Variants in KDM5A observed in about 807,000 individuals in gnomAD.
KDM5A encodes the protein lysine demethylase 5A, also known as lysine-specific demethylase 5A.
In KDM5A, 42 loss-of-function variants were observed where a neutral mutation model predicts 193.5. The observed-to-expected ratio is 0.22, with a 90% CI of 0.17 to 0.28. KDM5A has a LOEUF of 0.28. Among genes scored for constraint, KDM5A ranks in the 10% least tolerant of loss-of-function variants. The pLI is 1.00. For synonymous variants in KDM5A, 796 were observed against 718.1 expected, an observed-to-expected ratio of 1.11 and a Z score of -1.73; for missense variants, 1,692 against 2,055.1, an observed-to-expected ratio of 0.82 and a Z score of 3.42.
chr12:311,173 T>C (rs1209973732), intron 20 of KDM5A, 109 bp from the exon 21 acceptor site: 8 of 924,896 alleles, frequency 8.6e-6, no homozygotes, highest in African/African-American at 1.6e-5. Context: ...TTAAATATTA[T>C]TCTTTGAATG....
chr12:316,049 T>C (rs1401771973), intron 19 of KDM5A, among the ~76,000 whole-genome samples: 1 of 152,188 alleles, frequency 6.6e-6, no homozygotes, highest in Admixed American at 6.5e-5. Context: ...AAAACCATTA[T>C]TTTAGAGGTA....
chr12:323,818 T>C (rs1288610404), intron 14 of KDM5A, 37 bp from the exon 15 acceptor site: 28 of 1,567,394 alleles, frequency 1.8e-5, no homozygotes, highest in Non-Finnish European at 2.0e-5. Flanking sequence ...CAAGTCTTTC[T>C]AGTCTTTAAA....
In KDM5A at chr12:389,109, G is replaced by T. The variant is rs200173798; in HGVS notation, c.-18C>A. 155 of 1,602,016 alleles carry T rather than the reference G, an allele frequency of 9.7e-5. 5 individuals are homozygous for T. The highest frequency in any genetic ancestry group is 5.2e-4 in the South Asian group (47 of 90,482). On this transcript the variant is annotated 5_prime_UTR_variant, in exon 1 of 28. Transcript: ENST00000399788. ...CCCGCCATTGCAACGGCCGGGGGGG[G>T]GGGGGGGTCCCCGTGGGGAACCGGT...
chr12:320,431 G>A (rs1410691766), intron 18 of KDM5A, among the ~76,000 whole-genome samples: 1 of 152,066 alleles, frequency 6.6e-6, no homozygotes, highest in African/African-American at 2.4e-5. Context: ...AGGAGGCAGA[G>A]GTTGCAGTAA....
chr12:297,956 A>G (rs1265438062), intron 24 of KDM5A, among the ~76,000 whole-genome samples: 1 of 152,182 alleles, frequency 6.6e-6, no homozygotes, highest in East Asian at 1.9e-4. Flanking sequence ...CAATCCACGG[A>G]GATAATAAAC....
intron 18 of KDM5A, among the ~76,000 whole-genome samples, chr12:320,370 C>T (rs538909877): frequency 3.3e-5 from 5 of 152,208 alleles, no homozygotes; most frequent in Admixed American, 1.3e-4. Flanking sequence ...GTGGCCCATT[C>T]CTCCAATCCC....
chr12:313,486 G>A (rs1943614834), intron 19 of KDM5A, among the ~76,000 whole-genome samples: 1 of 152,026 alleles, frequency 6.6e-6, no homozygotes, highest in Non-Finnish European at 1.5e-5. Context: ...TGTAATAAAG[G>A]ACACATCTGA....
chr12:310,969 T>C lies in KDM5A; in HGVS notation c.3132A>G (p.Glu1044=), dbSNP rs1251485225. The C allele has an allele frequency of 1.9e-6, 3 of 1,614,244 alleles. No individual in the cohort carries two copies. The highest frequency in any genetic ancestry group is 1.6e-4 in the Middle Eastern group (1 of 6,062). The change falls in exon 21 of 28, where the codon GAA becomes GAG. Residue 1044 remains glutamate, a synonymous_variant. Coordinates refer to ENST00000399788, the MANE Select transcript of KDM5A (RefSeq NM_001042603.3). ...PVRLEALPQV[E]SQVAAARAWR... is the part of the protein sequence containing the mutation. ...ATGCCCGTGCTGCTGCTACCTGTGA[T>C]TCCACTTGCGGCAGTGCTTCAAGAC...
chr12:351,685 A>G (rs1344622372), intron 9 of KDM5A, among the ~76,000 whole-genome samples: 1 of 152,144 alleles, frequency 6.6e-6, no homozygotes, highest in East Asian at 1.9e-4. Flanking sequence ...ATCAAAATAG[A>G]CAGCTGGGCG....
intron 3 of KDM5A, among the ~76,000 whole-genome samples, chr12:373,604 T>C (rs1045247411): frequency 6.6e-6 from 1 of 152,250 alleles, no homozygotes; most frequent in Non-Finnish European, 1.5e-5. Flanking sequence ...ATTTTAGTTA[T>C]TTCTTGCCTT....
At chr12:346,265 G>A (rs1193517326) in intron 10 of KDM5A, among the ~76,000 whole-genome samples, 1 of 151,800 alleles carries the variant, frequency 6.6e-6, no homozygotes, top group African/African-American at 2.4e-5. Flanking sequence ...TGAAATTGAG[G>A]CAATAATAGC....
chr12:371,838 A>C (rs917491135), intron 3 of KDM5A, among the ~76,000 whole-genome samples: 5 of 152,124 alleles, frequency 3.3e-5, no homozygotes, highest in African/African-American at 1.2e-4. Flanking sequence ...CAGTTTTCCC[A>C]GCACCATTAA....
chr12:357,897 G>A (rs549304074), intron 5 of KDM5A, among the ~76,000 whole-genome samples: 179 of 138,170 alleles, frequency 1.3e-3, no homozygotes, highest in Non-Finnish European at 2.1e-3. Flanking sequence ...AAAGGACTCC[G>A]TCTGGTGAAA....
chr12:384,300 C>T, intron 2 of KDM5A, 147 bp from the exon 3 acceptor site: 1 of 684,536 alleles, frequency 1.5e-6, no homozygotes. Flanking sequence ...TGAGCAGCGG[C>T]AGTGGGCAAC....
At position 355,216 on chromosome 12, in the gene KDM5A, C is replaced by T. The variant is rs1231458331; in HGVS notation, c.812G>A (p.Arg271Lys). The change falls in exon 7 of 28, where the codon AGG (arginine) becomes AAG (lysine). Residue 271 changes from arginine to lysine, a missense_variant. Transcript: ENST00000399788. ...CATTTGCATGTTAAATGCGTCTGAC[C>T]TGTTGGTAACTTTTCGTCTTCGGGT... Reference protein sequence around the residue: ...EVTRRRKVTNRSDAFNMQMRQ... With the variant: ...EVTRRRKVTNKSDAFNMQMRQ... 3.7e-6 allele frequency: 6 copies of T among 1,612,678 alleles called. No individual in the cohort carries two copies. The highest frequency in any genetic ancestry group is 5.1e-6 in the Non-Finnish European group (6 of 1,178,832).
At chr12:359,780 A>G (rs1438750044) in intron 5 of KDM5A, among the ~76,000 whole-genome samples, 5 of 100,270 alleles carry the variant, frequency 5.0e-5, no homozygotes, top group Admixed American at 1.3e-4. Flanking sequence ...GGAGGGAAGG[A>G]GGAAGGGATG....
chr12:310,186 T>G (rs907970527), intron 21 of KDM5A, among the ~76,000 whole-genome samples: 2 of 152,148 alleles, frequency 1.3e-5, no homozygotes, highest in Non-Finnish European at 2.9e-5. Flanking sequence ...AGGAAATAAC[T>G]TGCCCAAGGA....
intron 10 of KDM5A, among the ~76,000 whole-genome samples, chr12:339,049 G>A (rs374795876): frequency 1.8e-4 from 27 of 151,978 alleles, no homozygotes; most frequent in Admixed American, 8.5e-4. Context: ...GTGGTGGTGC[G>A]TGCCTGTAAT....
chr12:334,789 T>C (rs1379253807), intron 10 of KDM5A, among the ~76,000 whole-genome samples: 4 of 152,060 alleles, frequency 2.6e-5, no homozygotes, highest in Admixed American at 1.3e-4. Flanking sequence ...ACTATATTGA[T>C]AGAATGGTGC....
Sources: allele counts gnomAD v4.1 joint callset (sites outside exome capture counted in the v4.1 genomes callset), GRCh38; gene constraint gnomAD v4.1.1; transcripts MANE v1.5; gene names NCBI Gene and HGNC (gene_info 2026-07-23, HGNC 2026-07-21).